Variants in GSE1 observed in about 807,000 individuals in gnomAD.
GSE1 encodes the protein Gse1 coiled-coil protein.
Under a neutral mutation model 112.6 loss-of-function variants are expected in GSE1, and 32 were observed. The ratio of observed to expected loss-of-function variants is 0.28; its 90% CI spans 0.21 to 0.38. GSE1 has a LOEUF of 0.38. GSE1 is among the 10% of genes least tolerant of loss of function. GSE1 has a pLI of 1.00. For missense variants in GSE1, 2,348 were observed against 1,699.2 expected, an observed-to-expected ratio of 1.38 and a Z score of -6.71; for synonymous variants, 1,115 against 735.6, an observed-to-expected ratio of 1.52 and a Z score of -8.35.
At chr16:85,596,654 G>C (rs1479064232) in intron 1 of GSE1, among the ~76,000 whole-genome samples, 1 of 152,166 alleles carries the variant, frequency 6.6e-6, no homozygotes, top group Admixed American at 6.5e-5. Context: ...CTAGAATTCA[G>C]TTCCTTTGTC....
At chr16:85,516,191 T>G (rs1353784760) in intron 2 of GSE1, among the ~76,000 whole-genome samples, 1 of 151,924 alleles carries the variant, frequency 6.6e-6, no homozygotes, top group East Asian at 1.9e-4. Context: ...GAGTACTCAC[T>G]CCTGGGAGGC....
chr16:85,341,469 C>G (rs1416563033), intron 1 of GSE1, among the ~76,000 whole-genome samples: 1 of 151,710 alleles, frequency 6.6e-6, no homozygotes, highest in Non-Finnish European at 1.5e-5. Flanking sequence ...ACCAGCCTGG[C>G]CAACATGATG....
chr16:85,282,026 C>G (rs375371911), intron 1 of GSE1, among the ~76,000 whole-genome samples: 13 of 150,568 alleles, frequency 8.6e-5, no homozygotes, highest in African/African-American at 3.2e-4. Context: ...GCTATGTTTT[C>G]TTTTCTTTTT....
chr16:85,585,982 G>A (rs2046672269), intron 1 of GSE1, among the ~76,000 whole-genome samples: 2 of 152,210 alleles, frequency 1.3e-5, no homozygotes, highest in African/African-American at 4.8e-5. Context: ...GGTAATAGAA[G>A]AGCCTGCATC....
chr16:85,404,323 A>T (rs1388853655), intron 2 of GSE1, among the ~76,000 whole-genome samples: 8 of 43,656 alleles, frequency 1.8e-4, no homozygotes, highest in Admixed American at 2.3e-4. Flanking sequence ...TCACTCTTAC[A>T]CTCAGGGCCC....
At chr16:85,258,595 C>G (rs930417761) in intron 1 of GSE1, among the ~76,000 whole-genome samples, 6 of 152,230 alleles carry the variant, frequency 3.9e-5, no homozygotes, top group Admixed American at 2.0e-4. Flanking sequence ...CCTCTGCCCC[C>G]CAAGGCATCA....
intron 1 of GSE1, chr16:85,592,399 C>G (rs569929177): frequency 6.6e-6 from 1 of 152,332 alleles, no homozygotes; most frequent in Non-Finnish European, 1.5e-5. Flanking sequence ...ATCCACCCAC[C>G]TTGGCCTCCC....
At chr16:85,653,849 G>T (rs903753410) in intron 3 of GSE1, among the ~76,000 whole-genome samples, 2 of 152,180 alleles carry the variant, frequency 1.3e-5, no homozygotes, top group African/African-American at 4.8e-5. Context: ...TGGCTACATC[G>T]TGGCACTCGC....
intron 1 of GSE1, among the ~76,000 whole-genome samples, chr16:85,230,960 G>C (rs796832375): frequency 6.6e-6 from 1 of 151,946 alleles, no homozygotes; most frequent in African/African-American, 2.4e-5. Flanking sequence ...TGGATGGATA[G>C]ATGGATGGAC....
chr16:85,464,402 T>A (rs1313222454), intron 2 of GSE1, among the ~76,000 whole-genome samples: 1 of 152,200 alleles, frequency 6.6e-6, no homozygotes, highest in Non-Finnish European at 1.5e-5. Flanking sequence ...TAAGTGAACC[T>A]GCAAAACTCT....
intron 2 of GSE1, among the ~76,000 whole-genome samples, chr16:85,399,046 A>C (rs2048031278): frequency 6.6e-6 from 1 of 152,164 alleles, no homozygotes; most frequent in South Asian, 2.1e-4. Flanking sequence ...ACACATATGC[A>C]TGTGCAGTGT....
intron 1 of GSE1, among the ~76,000 whole-genome samples, chr16:85,306,955 C>A (rs2045695403): frequency 6.6e-6 from 1 of 152,246 alleles, no homozygotes; most frequent in South Asian, 2.1e-4. Flanking sequence ...TGCTGTGACA[C>A]ATCCAGCGCT....
chr16:85,630,594 G>C (rs2049461055), intron 1 of GSE1, among the ~76,000 whole-genome samples: 1 of 152,188 alleles, frequency 6.6e-6, no homozygotes, highest in Non-Finnish European at 1.5e-5. Flanking sequence ...TGGGATTACA[G>C]GTGTGCCCAC....
At chr16:85,449,794 C>G (rs1425536739) in intron 2 of GSE1, among the ~76,000 whole-genome samples, 2 of 152,188 alleles carry the variant, frequency 1.3e-5, no homozygotes, top group Admixed American at 6.5e-5. Context: ...CTGTCTCCTG[C>G]AAAATAGAAG....
Position 85,275,243 on chromosome 16 carries a change from C to T in GSE1, c.2284-82220C>T, listed in dbSNP as rs954042120. 5.0e-4 allele frequency among the ~76,000 whole-genome samples: 76 copies of T among 152,338 alleles called. 1 individual carries two copies. The highest frequency in any genetic ancestry group is 1.7e-3 in the African/African-American group (72 of 41,584). On this transcript the variant is annotated intron_variant, in intron 1 of 2. Transcript: ENST00000637419. Reference sequence around the variant, plus strand: ...CCGAACTGGAGGAGACAGAACAGCTCCCTGCTAGGACAGCCAGCCAGGGCT... The same window carrying T: ...CCGAACTGGAGGAGACAGAACAGCTTCCTGCTAGGACAGCCAGCCAGGGCT...
At chr16:85,366,425 C>T (rs2047186977) in intron 2 of GSE1, among the ~76,000 whole-genome samples, 1 of 152,268 alleles carries the variant, frequency 6.6e-6, no homozygotes, top group Middle Eastern at 3.2e-3. Flanking sequence ...AGTCTGTTTC[C>T]CTCTCCACGA....
upstream of GSE1, among the ~76,000 whole-genome samples, chr16:85,551,480 C>T (rs12933294): frequency 1.3e-5 from 2 of 152,018 alleles, no homozygotes; most frequent in Non-Finnish European, 2.9e-5. Flanking sequence ...ACAGTGGGAA[C>T]GGGAAAATCC....
At position 85,311,775 on chromosome 16, in the gene GSE1, G is replaced by A. The variant is rs1043419039; in HGVS notation, c.2284-45688G>A. Among the ~76,000 whole-genome samples, 13 of 152,092 alleles carry A rather than the reference G, an allele frequency of 8.5e-5. No homozygotes were observed. Among genetic ancestry groups the A allele is most frequent in the Admixed American group, 7.2e-4 (11 of 15,278 alleles). On this transcript the variant is annotated intron_variant, in intron 1 of 2. Transcript: ENST00000637419. This position sits in a 1 kb window ranked among gnomAD's most constrained non-coding sequence, Gnocchi z 4.2. Reference sequence around the variant, plus strand: ...CTCTCCAGGGACATCTGTCCCACCTGCCGATGCCCACATACCACCTTGCAG... The same window carrying A: ...CTCTCCAGGGACATCTGTCCCACCTACCGATGCCCACATACCACCTTGCAG...
upstream of GSE1, among the ~76,000 whole-genome samples, chr16:85,607,964 G>T (rs535084432): frequency 3.3e-5 from 5 of 152,290 alleles, no homozygotes; most frequent in African/African-American, 1.2e-4. Flanking sequence ...CCTTGGCTCC[G>T]TAAGGGGAGG....
Sources: allele counts gnomAD v4.1 joint callset (sites outside exome capture counted in the v4.1 genomes callset), GRCh38; gene constraint gnomAD v4.1.1; non-coding constraint Gnocchi (gnomAD v3.1); transcripts MANE v1.5; gene names NCBI Gene and HGNC (gene_info 2026-07-23, HGNC 2026-07-21).